The following MACROD2 variants were observed in gnomAD, a reference collection of about 807,000 sequenced individuals.
MACROD2 encodes the protein mono-ADP ribosylhydrolase 2.
MACROD2 carries 36 observed loss-of-function variants against 70.4 expected under a neutral mutation model. That is an observed-to-expected ratio of 0.51 (90% CI 0.39 to 0.68). The LOEUF is 0.68. Among genes scored for constraint, MACROD2 ranks in the 30% least tolerant of loss-of-function variants. MACROD2 has a pLI of 0.00. For synonymous variants in MACROD2, 172 were observed against 178.8 expected (o/e 0.96, Z 0.30); for missense variants, 496 against 538.4 (o/e 0.92, Z 0.78).
chr20:14,633,278 T>C (rs1383492872), intron 4 of MACROD2, among the ~76,000 whole-genome samples: 13 of 152,220 alleles, frequency 8.5e-5, no homozygotes, highest in Admixed American at 8.5e-4. Flanking sequence ...AATTTCCCCA[T>C]CTCAGAATTC....
intron 3 of MACROD2, among the ~76,000 whole-genome samples, chr20:14,176,190 G>C (rs1384076412): frequency 2.0e-5 from 3 of 152,168 alleles, no homozygotes; most frequent in Non-Finnish European, 4.4e-5. Context: ...TTATCTGAGA[G>C]ATTACTATGA....
intron 10 of MACROD2, among the ~76,000 whole-genome samples, chr20:15,895,046 T>C (rs6135592): frequency 0.052 from 7,850 of 152,246 alleles, 375 homozygotes; most frequent in East Asian, 0.24. Context: ...ATCCATAACC[T>C]ATGTCAAAAG....
intron 8 of MACROD2, among the ~76,000 whole-genome samples, chr20:15,596,769 A>G (rs1362879229): frequency 3.3e-5 from 5 of 152,166 alleles, no homozygotes; most frequent in Admixed American, 1.3e-4. Flanking sequence ...ACTCCTCTTT[A>G]TTAGAAATGT....
At chr20:14,538,186 G>A (rs746840876) in intron 4 of MACROD2, among the ~76,000 whole-genome samples, 14 of 152,192 alleles carry the variant, frequency 9.2e-5, no homozygotes, top group Non-Finnish European at 1.3e-4. Context: ...GGTCTCAACC[G>A]TGGGAGGGGG....
intron 5 of MACROD2, among the ~76,000 whole-genome samples, chr20:15,161,965 G>T (rs2076351304): frequency 6.6e-6 from 1 of 152,024 alleles, no homozygotes. Context: ...TTGATAAGAT[G>T]AAAATCAATC....
chr20:15,776,246 C>T (rs1309109152), intron 8 of MACROD2, among the ~76,000 whole-genome samples: 2 of 152,162 alleles, frequency 1.3e-5, no homozygotes, highest in Non-Finnish European at 2.9e-5. Flanking sequence ...CCACCATCCC[C>T]TCACACACAT....
intron 6 of MACROD2, among the ~76,000 whole-genome samples, chr20:15,430,437 G>A (rs1055794583): frequency 1.3e-5 from 2 of 151,844 alleles, no homozygotes; most frequent in Non-Finnish European, 2.9e-5. Context: ...TGTATGGTGG[G>A]CATTATCTTC....
chr20:15,893,420 C>A (rs557193534), intron 10 of MACROD2, among the ~76,000 whole-genome samples: 34 of 152,240 alleles, frequency 2.2e-4, no homozygotes, highest in African/African-American at 7.5e-4. Flanking sequence ...CGGACCTCAA[C>A]AACAGATGCT....
rs115113436 is a variant in MACROD2 at position 14,741,374 on chromosome 20, C to T, written c.418+56415C>T. On this transcript the variant is annotated intron_variant, in intron 5 of 17. Coordinates refer to ENST00000684519, the MANE Select transcript of MACROD2 (RefSeq NM_001351661.2). ...AAGAACTCAGAGAAGGTAATGTTGG[C>T]GCTATTATTACCACATTGGTCATCC... 7.1e-3 allele frequency among the ~76,000 whole-genome samples: 1,073 copies of T among 152,038 alleles called. 11 individuals carry two copies. The highest frequency in any genetic ancestry group is 0.023 in the African/African-American group (943 of 41,472).
chr20:14,880,576 A>C (rs2073599645), intron 5 of MACROD2, among the ~76,000 whole-genome samples: 1 of 152,172 alleles, frequency 6.6e-6, no homozygotes. Context: ...GTGTGAGGGC[A>C]GGTCCCCAAA....
chr20:15,660,503 A>G (rs1322586289), intron 8 of MACROD2, among the ~76,000 whole-genome samples: 8 of 152,162 alleles, frequency 5.3e-5, no homozygotes, highest in Non-Finnish European at 1.2e-4. Context: ...CAAAAGCACA[A>G]CAGCAGGATT....
intron 5 of MACROD2, among the ~76,000 whole-genome samples, chr20:15,020,924 C>T (rs890961433): frequency 4.7e-5 from 7 of 150,190 alleles, no homozygotes; most frequent in African/African-American, 7.3e-5. Flanking sequence ...AGACTATATA[C>T]ACATATATAT....
At chr20:15,913,995 G>A (rs2065273837) in intron 10 of MACROD2, among the ~76,000 whole-genome samples, 1 of 152,178 alleles carries the variant, frequency 6.6e-6, no homozygotes, top group Admixed American at 6.5e-5. Context: ...TCCTGTGTGT[G>A]CATGGAGGGG....
intron 12 of MACROD2, among the ~76,000 whole-genome samples, chr20:15,944,489 C>A (rs563423565): frequency 1.3e-5 from 2 of 152,134 alleles, no homozygotes; most frequent in East Asian, 3.9e-4. Flanking sequence ...TTGTAAAATT[C>A]TTCCAACATC....
chr20:16,041,127 G>T, intron 15 of MACROD2, 74 bp from the exon 16 acceptor site: 1 of 1,248,542 alleles, frequency 8.0e-7, no homozygotes, highest in Non-Finnish European at 1.1e-6. Flanking sequence ...GCAATGGAGG[G>T]TGACAGAAAT....
At chr20:14,994,340 A>G (rs2074931510) in intron 5 of MACROD2, among the ~76,000 whole-genome samples, 1 of 152,166 alleles carries the variant, frequency 6.6e-6, no homozygotes, top group Non-Finnish European at 1.5e-5. Flanking sequence ...TGTAACCACT[A>G]TCAAAATCAC....
chr20:14,342,043 G>GA (rs2083018487), intron 3 of MACROD2, among the ~76,000 whole-genome samples: 1 of 148,336 alleles, frequency 6.7e-6, no homozygotes, highest in Admixed American at 6.6e-5. Context: ...ACGGAGCCCT[G>GA]GGGGGGTCAC....
At chr20:14,826,346 T>G (rs1216881677) in intron 5 of MACROD2, among the ~76,000 whole-genome samples, 2 of 152,134 alleles carry the variant, frequency 1.3e-5, no homozygotes, top group Non-Finnish European at 2.9e-5. Flanking sequence ...TTTAGCATCC[T>G]CATTGTATAT....
At chr20:15,333,705 G>A (rs576240773) in intron 6 of MACROD2, among the ~76,000 whole-genome samples, 13 of 151,636 alleles carry the variant, frequency 8.6e-5, no homozygotes, top group African/African-American at 3.2e-4. Context: ...TCAAAGGCGT[G>A]TTAGGAGGTT....
Sources: gnomAD v4.1 joint callset for allele counts (sites outside exome capture counted in the v4.1 genomes callset) on GRCh38, gnomAD v4.1.1 for gene constraint, MANE v1.5 for transcripts, NCBI Gene and HGNC (gene_info 2026-07-23, HGNC 2026-07-21) for gene names.